SIPA1L2: variants seen among roughly 807,000 people sequenced by gnomAD.
The protein encoded by SIPA1L2 is signal induced proliferation associated 1 like 2.
SIPA1L2 carries 56 observed loss-of-function variants against 163.9 expected under a neutral mutation model. The ratio of observed to expected loss-of-function variants is 0.34; its 90% CI spans 0.28 to 0.43. The LOEUF (loss-of-function observed/expected upper bound fraction) is 0.43, where lower values mean the gene tolerates loss of function less well. Ranked by LOEUF, SIPA1L2 falls within the 20% of genes least tolerant of loss-of-function variation. The pLI is 1.00. For missense variants in SIPA1L2, 1,974 were observed against 2,193.5 expected, an observed-to-expected ratio of 0.90 and a Z score of 2.00; for synonymous variants, 877 against 865.7, an observed-to-expected ratio of 1.01 and a Z score of -0.23.
chr1:232,538,569 G>A (rs116342407), intron 2 of SIPA1L2, among the ~76,000 whole-genome samples: 1,769 of 152,222 alleles, frequency 0.012, 37 homozygotes, highest in African/African-American at 0.04. Context: ...AATGGCCTAT[G>A]TAAAATTACT....
rs530358999 is a variant in SIPA1L2 at position 232,485,171 on chromosome 1, C to T, written c.1807-1205G>A. Among the ~76,000 whole-genome samples, 4 of 152,278 alleles carry T rather than the reference C, an allele frequency of 2.6e-5. No homozygotes were observed. The South Asian group carries it at 8.3e-4, about 32-fold the overall frequency. ...TATTCTGAATGCATTCCGATCTTGA[C>T]TAAGTGCTATGAGAAGGCTATAAAA... On this transcript the variant is annotated intron_variant, in intron 5 of 22. Coordinates refer to ENST00000674635, the MANE Select transcript of SIPA1L2 (RefSeq NM_020808.5).
intron 10 of SIPA1L2, among the ~76,000 whole-genome samples, chr1:232,453,357 T>C (rs1230573660): frequency 6.6e-6 from 1 of 152,194 alleles, no homozygotes; most frequent in African/African-American, 2.4e-5. Context: ...TTGGACCAGG[T>C]ACCACAGACT....
At chr1:232,618,169 G>C (rs1473909446) in intron 1 of SIPA1L2, among the ~76,000 whole-genome samples, 3 of 152,188 alleles carry the variant, frequency 2.0e-5, no homozygotes, top group Non-Finnish European at 4.4e-5. Context: ...ATAAATCTCA[G>C]AAGTTTAAAG....
At chr1:232,594,974 T>C (rs183757835) in intron 1 of SIPA1L2, among the ~76,000 whole-genome samples, 127 of 152,256 alleles carry the variant, frequency 8.3e-4, no homozygotes, top group Non-Finnish European at 1.3e-3. Context: ...TCTGTTTTTG[T>C]TGTTGTTGTC....
chr1:232,551,777 A>G (rs2103136362), intron 2 of SIPA1L2, among the ~76,000 whole-genome samples: 1 of 152,368 alleles, frequency 6.6e-6, no homozygotes, highest in Middle Eastern at 3.4e-3. Context: ...TGATGAGTTG[A>G]GCCTTAAAAG....
chr1:232,413,031 AC>A (rs1286395239), intron 19 of SIPA1L2, among the ~76,000 whole-genome samples: 2 of 152,182 alleles, frequency 1.3e-5, no homozygotes, highest in Non-Finnish European at 2.9e-5. Flanking sequence ...TCCATGTCAT[AC>A]TTTTTCCCTT....
intron 10 of SIPA1L2, among the ~76,000 whole-genome samples, chr1:232,447,896 GTTATA>G (rs1426994043): frequency 6.6e-6 from 1 of 152,178 alleles, no homozygotes; most frequent in African/African-American, 2.4e-5. Flanking sequence ...TTAAACTATA[GTTATA>G]TTAATATAAT....
intron 2 of SIPA1L2, among the ~76,000 whole-genome samples, chr1:232,541,515 C>G (rs1284894331): frequency 6.6e-6 from 1 of 152,098 alleles, no homozygotes; most frequent in Non-Finnish European, 1.5e-5. Flanking sequence ...ATTTATTTTT[C>G]CCCAAAAACT....
At chr1:232,611,210 G>A (rs989218370) in intron 1 of SIPA1L2, among the ~76,000 whole-genome samples, 7 of 152,218 alleles carry the variant, frequency 4.6e-5, no homozygotes, top group African/African-American at 1.4e-4. Context: ...CCCCAGCCAT[G>A]TGGAACTCCA....
intron 2 of SIPA1L2, among the ~76,000 whole-genome samples, chr1:232,567,040 A>G (rs1659444445): frequency 6.6e-6 from 1 of 152,222 alleles, no homozygotes; most frequent in Admixed American, 6.5e-5. Context: ...TCTATAAAAT[A>G]CGACTAATGG....
chr1:232,507,722 C>T (rs1317760526), intron 3 of SIPA1L2, among the ~76,000 whole-genome samples: 2 of 152,332 alleles, frequency 1.3e-5, no homozygotes, highest in Non-Finnish European at 2.9e-5. Context: ...CAAACACAGT[C>T]ATTAACTTAT....
At chr1:232,600,226 C>G (rs1661520187) in intron 1 of SIPA1L2, among the ~76,000 whole-genome samples, 2 of 151,448 alleles carry the variant, frequency 1.3e-5, no homozygotes, top group African/African-American at 4.9e-5. Flanking sequence ...GTTGGTGACA[C>G]AGTTAACAAA....
intron 3 of SIPA1L2, among the ~76,000 whole-genome samples, chr1:232,508,072 A>C (rs2103030914): frequency 6.6e-6 from 1 of 152,336 alleles, no homozygotes; most frequent in African/African-American, 2.4e-5. Context: ...AATGAAAAAA[A>C]GATATAGATT....
chr1:232,459,275 T>C (rs1284236136), intron 10 of SIPA1L2, among the ~76,000 whole-genome samples: 2 of 152,194 alleles, frequency 1.3e-5, no homozygotes, highest in Non-Finnish European at 2.9e-5. Flanking sequence ...CTACAGTTCA[T>C]GTACGTAATA....
At chr1:232,574,316 G>T (rs905131481) in intron 1 of SIPA1L2, among the ~76,000 whole-genome samples, 94 bp from the exon 2 acceptor site, 1 of 152,310 alleles carries the variant, frequency 6.6e-6, no homozygotes, top group East Asian at 1.9e-4. Flanking sequence ...GGGGTCCACA[G>T]GGTCAAAACC....
At chr1:232,583,267 A>G (rs745362539) in intron 1 of SIPA1L2, among the ~76,000 whole-genome samples, 3 of 152,216 alleles carry the variant, frequency 2.0e-5, no homozygotes, top group Non-Finnish European at 2.9e-5. Context: ...TTAGGAAGTA[A>G]TAGGCATCAT....
At chr1:232,523,678 A>T (rs1171672864) in intron 2 of SIPA1L2, among the ~76,000 whole-genome samples, 4 of 152,156 alleles carry the variant, frequency 2.6e-5, no homozygotes, top group African/African-American at 4.8e-5. Context: ...AAAAAAATAC[A>T]ATCCTTCCGG....
Position 232,439,098 on chromosome 1 carries a change from T to C in SIPA1L2, c.4031+10A>G. 6.3e-7 allele frequency: 1 copy of C among 1,591,424 alleles called. No homozygotes were observed. The highest frequency in any genetic ancestry group is 8.6e-7 in the Non-Finnish European group (1 of 1,168,854). ...CAGCAGGTACTACTCTGCAGTGCTGTGGGGCTTACCTGGAATGAGAGGATA... is the reference window on the plus strand; with the variant it reads ...CAGCAGGTACTACTCTGCAGTGCTGCGGGGCTTACCTGGAATGAGAGGATA... On this transcript the variant is annotated intron_variant, in intron 15 of 22. Coordinates refer to ENST00000674635, the MANE Select transcript of SIPA1L2 (RefSeq NM_020808.5).
chr1:232,465,389 C>T lies in SIPA1L2; in HGVS notation c.2271G>A (p.Val757=). ...TGGGAATCGGTGGGCCAAATGGTGG[C>T]ACATCTTTTGATCTGGAAACTCCAA... The part of the protein sequence containing the change: ...YSVGVSRSKD[V]PPFGPPIPKG... Residue 757 remains valine (V), a synonymous_variant, in exon 9 of 23, where the codon GTG becomes GTA. Coordinates refer to ENST00000674635, the MANE Select transcript of SIPA1L2 (RefSeq NM_020808.5). The surrounding 1 kb of genome is among the most constrained non-coding windows in gnomAD (Gnocchi z 4.1). The T allele has an allele frequency of 3.7e-6, 6 of 1,610,818 alleles. No homozygotes were observed. Among genetic ancestry groups the T allele is most frequent in the Non-Finnish European group, 5.1e-6 (6 of 1,177,550 alleles).
Sources: allele counts gnomAD v4.1 joint callset (sites outside exome capture counted in the v4.1 genomes callset), GRCh38; gene constraint gnomAD v4.1.1; non-coding constraint Gnocchi (gnomAD v3.1); transcripts MANE v1.5; gene names NCBI Gene and HGNC (gene_info 2026-07-23, HGNC 2026-07-21).